Variants in KIF21B observed in about 807,000 individuals in gnomAD.
KIF21B encodes kinesin family member 21B.
KIF21B carries 85 observed loss-of-function variants against 192.9 expected under a neutral mutation model. The observed-to-expected ratio is 0.44, with a 90% CI of 0.37 to 0.53. The LOEUF (loss-of-function observed/expected upper bound fraction) is 0.53, where lower values mean the gene tolerates loss of function less well. Among genes scored for constraint, KIF21B ranks in the 20% least tolerant of loss-of-function variants. KIF21B has a pLI of 0.00. For missense variants in KIF21B, 1,716 were observed against 2,194.8 expected, an observed-to-expected ratio of 0.78 and a Z score of 4.36; for synonymous variants, 832 against 884.6, an observed-to-expected ratio of 0.94 and a Z score of 1.05.
chr1:200,981,396 G>C (rs1292447272), intron 28 of KIF21B, among the ~76,000 whole-genome samples: 1 of 152,216 alleles, frequency 6.6e-6, no homozygotes, highest in African/African-American at 2.4e-5. Context: ...TGTCCACAGA[G>C]AGTTCCTATC....
rs911578905 is a variant in KIF21B, at chr1:200,975,427, C to G, written c.4614+72G>C. On this transcript the variant is annotated intron_variant, in intron 33 of 34. Coordinates refer to ENST00000461742, the MANE Select transcript of KIF21B (RefSeq NM_001252102.2). The surrounding 1 kb of genome is among the most constrained non-coding windows in gnomAD (Gnocchi z 4.3). The stretch of plus-strand genomic sequence containing the variant: ...GGCCCGCGAGTCCAGGTCCCAGGGT[C>G]TCCAAGGCCCTGCGTGGGCTATGGA... 7.0e-7 allele frequency: 1 copy of G among 1,436,566 alleles called. No individual in the cohort carries two copies. The highest frequency in any genetic ancestry group is 1.4e-5 in the African/African-American group (1 of 70,906). 89.0% of individuals were successfully genotyped at this position (1,436,566 alleles called of 1,614,324 possible). A position where few individuals can be genotyped will look rare whatever the true frequency, so the allele number is the denominator to read the frequency against.
chr1:201,002,077 C>T lies in KIF21B; in HGVS notation c.1402+84G>A, dbSNP rs576160526. On this transcript the variant is annotated intron_variant, in intron 9 of 34. Transcript: ENST00000461742. ...CTATGAATTGACTGGCTGGCTTAGT[C>T]CACCTGATACTCTGGGGTGGATGTC... The T allele has an allele frequency of 8.8e-6, 11 of 1,244,168 alleles. No homozygotes were observed. The East Asian group carries it at 2.6e-4, about 29-fold the overall frequency. The allele number at this position is 1,244,168 out of a possible 1,614,324, so 77.1% of individuals were successfully genotyped here.
chr1:200,985,012 C>G lies in KIF21B; in HGVS notation c.3690-40G>C, dbSNP rs369763082. ...CAGAGGGCAGCCTGTTAGTGACCAC[C>G]CCTGCCCACAGGCCCCTACTTGGTG... On this transcript the variant is annotated intron_variant, in intron 26 of 34. Coordinates refer to ENST00000461742, the MANE Select transcript of KIF21B (RefSeq NM_001252102.2). 5.3e-5 allele frequency: 77 copies of G among 1,458,512 alleles called. No homozygotes were observed. The African/African-American group carries it at 1.0e-3, about 20-fold the overall frequency. The allele number at this position is 1,458,512 out of a possible 1,614,324, so 90.3% of individuals were successfully genotyped here.
intron 14 of KIF21B, among the ~76,000 whole-genome samples, chr1:200,997,583 A>G (rs1473670090): frequency 6.6e-6 from 1 of 152,204 alleles, no homozygotes; most frequent in African/African-American, 2.4e-5. Context: ...TCTCTACTAA[A>G]AATACAAAAA....
rs949080056 is a variant in KIF21B at position 201,023,286 on chromosome 1, C to T, written c.41+57G>A. 1.1e-4 allele frequency: 157 copies of T among 1,458,162 alleles called. No individual in the cohort carries two copies. The highest frequency in any genetic ancestry group is 4.4e-4 in the Middle Eastern group (2 of 4,534). 90.3% of individuals were successfully genotyped at this position (1,458,162 alleles called of 1,614,324 possible). Reference sequence around the variant, plus strand: ...GCTCGCGCCCCCCGCCCAAAGCCCACGCGAGACAAAGCCCGAGGCTTCTCC... The same window carrying T: ...GCTCGCGCCCCCCGCCCAAAGCCCATGCGAGACAAAGCCCGAGGCTTCTCC... On this transcript the variant is annotated intron_variant, in intron 1 of 34. Transcript: ENST00000461742. The surrounding 1 kb of genome is among the most constrained non-coding windows in gnomAD (Gnocchi z 5.9).
intron 27 of KIF21B, 94 bp from the exon 28 acceptor site, chr1:200,983,188 G>T: frequency 9.4e-7 from 1 of 1,066,494 alleles, no homozygotes; most frequent in Non-Finnish European, 1.4e-6. Flanking sequence ...GTGGTCAGAG[G>T]GCAGGTTATT....
In KIF21B at chr1:200,971,725, C is replaced by CT. The variant is rs1655220796; in HGVS notation, c.*1795dup. The CT allele has an allele frequency of 1.3e-5, 2 of 152,530 alleles. No homozygotes were observed. Among genetic ancestry groups the CT allele is most frequent in the Non-Finnish European group, 2.9e-5 (2 of 68,270 alleles). 9.4% of individuals were successfully genotyped at this position (152,530 alleles called of 1,614,324 possible). A position where few individuals can be genotyped will look rare whatever the true frequency, so the allele number is the denominator to read the frequency against. ...CCTTCCTGCTATCAGCTGCCCCAGA[C>CT]TTCAATACCACATCCAGCAGGGCCA... On this transcript the variant is annotated 3_prime_UTR_variant, in exon 35 of 35. Coordinates refer to ENST00000461742, the MANE Select transcript of KIF21B (RefSeq NM_001252102.2).
intron 34 of KIF21B, 26 bp downstream of exon 34, chr1:200,974,688 G>A: frequency 1.2e-6 from 2 of 1,612,346 alleles, no homozygotes; most frequent in Non-Finnish European, 8.5e-7. Flanking sequence ...AGGGAGCAGA[G>A]GCAGACCTCT....
Position 200,983,042 on chromosome 1 carries a change from C to G in KIF21B, c.3842+14G>C. 6.5e-7 allele frequency: 1 copy of G among 1,535,704 alleles called. No homozygotes were observed. The highest frequency in any genetic ancestry group is 8.7e-7 in the Non-Finnish European group (1 of 1,146,550). On this transcript the variant is annotated intron_variant, in intron 28 of 34. Transcript: ENST00000461742. Reference sequence around the variant, plus strand: ...AGAGTGGGGAACCAAACACGAGAGACATTCTGTGTGTACCTCAGGACCTCC... The same window carrying G: ...AGAGTGGGGAACCAAACACGAGAGAGATTCTGTGTGTACCTCAGGACCTCC...
At chr1:200,974,300 G>T in intron 34 of KIF21B, 3 of 1,327,446 alleles carry the variant, frequency 2.3e-6, no homozygotes, top group Non-Finnish European at 3.1e-6. Flanking sequence ...CATCTGAGTC[G>T]CACCCCATGG....
chr1:200,984,989 G>A lies in KIF21B; in HGVS notation c.3690-17C>T. The A allele has an allele frequency of 6.3e-7, 1 of 1,585,630 alleles. No individual in the cohort carries two copies. The highest frequency in any genetic ancestry group is 8.6e-7 in the Non-Finnish European group (1 of 1,161,582). On this transcript the variant is annotated splice_polypyrimidine_tract_variant and intron_variant, in intron 26 of 34. Transcript: ENST00000461742. The stretch of plus-strand genomic sequence containing the variant: ...TCTGTGGACCTGGTGAGTCGGGACA[G>A]AGGGCAGCCTGTTAGTGACCACCCC...
Position 200,990,452 on chromosome 1 carries a change from C to A in KIF21B, c.2836-120G>T. The A allele has an allele frequency of 2.0e-6, 3 of 1,480,092 alleles. No homozygotes were observed. Among genetic ancestry groups the A allele is most frequent in the Non-Finnish European group, 1.8e-6 (2 of 1,088,254 alleles). 91.7% of individuals were successfully genotyped at this position (1,480,092 alleles called of 1,614,324 possible). On this transcript the variant is annotated intron_variant, in intron 19 of 34. Coordinates refer to ENST00000461742, the MANE Select transcript of KIF21B (RefSeq NM_001252102.2). The surrounding 1 kb of genome is among the most constrained non-coding windows in gnomAD (Gnocchi z 5.4). Reference sequence around the variant, plus strand: ...GAGGTCCCCCCAGCACCTCTGGATTCCAGAGCAGGCAAAAGGAGCAGAGGG... The same window carrying A: ...GAGGTCCCCCCAGCACCTCTGGATTACAGAGCAGGCAAAAGGAGCAGAGGG...
chr1:200,989,684 C>T (rs927404025), intron 21 of KIF21B, among the ~76,000 whole-genome samples: 3 of 152,252 alleles, frequency 2.0e-5, no homozygotes, highest in Admixed American at 6.5e-5. Flanking sequence ...TTAACAGAGG[C>T]CCTGTTGTGT....
chr1:201,012,384 G>A (rs922921225), intron 1 of KIF21B, among the ~76,000 whole-genome samples: 8 of 152,204 alleles, frequency 5.3e-5, no homozygotes, highest in African/African-American at 1.9e-4. Flanking sequence ...GGAAATGGAA[G>A]CAAAGGAAAG....
chr1:201,003,524 A>G (rs759931638), intron 8 of KIF21B, 62 bp downstream of exon 8: 1 of 1,542,002 alleles, frequency 6.5e-7, no homozygotes, highest in Non-Finnish European at 8.9e-7. Flanking sequence ...TGCAGGGCAG[A>G]GGGTGCATAT....
Position 200,975,663 on chromosome 1 carries a change from C to G in KIF21B, c.4450G>C (p.Glu1484Gln), listed in dbSNP as rs146030020. 6.2e-7 allele frequency: 1 copy of G among 1,607,898 alleles called. No individual in the cohort carries two copies. Among genetic ancestry groups the G allele is most frequent in the East Asian group, 2.2e-5 (1 of 44,712 alleles). Residue 1484 changes from glutamate (E) to glutamine (Q), a missense_variant, in exon 33 of 35, where the codon GAG (glutamate) becomes CAG (glutamine). Transcript: ENST00000461742. The surrounding 1 kb of genome is among the most constrained non-coding windows in gnomAD (Gnocchi z 4.3). ...GTGCCCGTCACACACTCGCCCAGCT[C>G]GAACATCTGTGGGAGGAGGGGCCAG... ...GSKDHYVKMF[E>Q]LGECVTGTIG...
In KIF21B at chr1:200,975,351, G is replaced by C. The variant is rs78068584; in HGVS notation, c.4614+148C>G. The C allele has an allele frequency of 1.8e-3, 1,249 of 685,580 alleles. 21 individuals carry two copies. In the East Asian group the frequency reaches 0.032, roughly 17 times the overall value. 42.5% of individuals were successfully genotyped at this position (685,580 alleles called of 1,614,324 possible). ...AGAAGGGAGGATGGAGACAGAGGAG[G>C]AAGAGGGAGAACAGGAGGGCTTGGG... On this transcript the variant is annotated intron_variant, in intron 33 of 34. Transcript: ENST00000461742. This position sits in a 1 kb window ranked among gnomAD's most constrained non-coding sequence, Gnocchi z 4.3.
intron 3 of KIF21B, 93 bp from the exon 4 acceptor site, chr1:201,005,787 G>C (rs1245616817): frequency 1.5e-5 from 20 of 1,325,594 alleles, no homozygotes; most frequent in Non-Finnish European, 2.1e-5. Flanking sequence ...TTTTACAGAT[G>C]TGGAAACTGA....
chr1:200,993,084 C>A (rs1656810355), intron 15 of KIF21B, among the ~76,000 whole-genome samples: 1 of 152,190 alleles, frequency 6.6e-6, no homozygotes, highest in Non-Finnish European at 1.5e-5. Context: ...AAGCTAAGGA[C>A]CAAGCACAGA....
Sources: gnomAD v4.1 joint callset for allele counts (sites outside exome capture counted in the v4.1 genomes callset) on GRCh38, gnomAD v4.1.1 for gene constraint, Gnocchi (gnomAD v3.1) non-coding constraint, MANE v1.5 for transcripts, NCBI Gene and HGNC (gene_info 2026-07-23, HGNC 2026-07-21) for gene names.